CASK: variants seen among roughly 807,000 people sequenced by gnomAD.
CASK encodes the protein peripheral plasma membrane protein CASK.
A neutral mutation model predicts 82.9 loss-of-function variants in CASK; 4 were observed. The ratio of observed to expected loss-of-function variants is 0.05; its 90% CI spans 0.02 to 0.11. The LOEUF (loss-of-function observed/expected upper bound fraction) is 0.11. CASK is among the 10% of genes least tolerant of loss of function. The probability of loss-of-function intolerance (pLI) is 1.00; values close to 1 mark genes in which losing one functional copy is unlikely to be tolerated. For missense variants in CASK, 358 were observed against 720.9 expected, an observed-to-expected ratio of 0.50 and a Z score of 5.76; for synonymous variants, 259 against 253.5, an observed-to-expected ratio of 1.02 and a Z score of -0.20.
chrX:41,854,505 G>A (rs1417091702), intron 1 of CASK, among the ~76,000 whole-genome samples: 2 of 112,181 alleles, frequency 1.8e-5, no homozygotes, highest in East Asian at 2.8e-4. Context: ...ACCTTCATTC[G>A]CTTATTACAG....
chrX:41,649,874 G>A (rs189783210), intron 8 of CASK, among the ~76,000 whole-genome samples: 122 of 111,079 alleles, frequency 1.1e-3, no homozygotes, highest in African/African-American at 3.8e-3. Flanking sequence ...CATTATTATT[G>A]TGTGGGAGTC....
chrX:41,535,210 C>T (rs1350591662), intron 22 of CASK, among the ~76,000 whole-genome samples: 1 of 111,317 alleles, frequency 9.0e-6, no homozygotes, highest in South Asian at 3.8e-4. Context: ...AGATGCTGAA[C>T]ACATGCATTA....
chrX:41,553,901 T>C lies in CASK; in HGVS notation c.1857A>G (p.Ala619=). 8.4e-7 allele frequency: 1 copy of C among 1,197,488 alleles called. No homozygotes were observed. The highest frequency in any genetic ancestry group is 1.1e-6 in the Non-Finnish European group (1 of 882,766). The change falls in exon 21 of 27, where the codon GCA becomes GCG. Residue 619 remains alanine (A), a synonymous_variant. Transcript: ENST00000378163. The part of the protein sequence containing the change: ...QPKGRQIYVR[A]QFEYDPAKDD... The stretch of plus-strand genomic sequence containing the variant: ...CCTTGGCTGGATCATATTCAAATTG[T>C]GCTCTTACATAGATCTATAAAACAG...
chrX:41,589,435 CTT>C, intron 13 of CASK, 78 bp downstream of exon 13: 3 of 679,395 alleles, frequency 4.4e-6, no homozygotes, highest in Non-Finnish European at 4.7e-6. Flanking sequence ...GAAACTGCCT[CTT>C]AATGTGCAAC....
chrX:41,672,884 A>G (rs1000270923), intron 5 of CASK, among the ~76,000 whole-genome samples: 13 of 112,334 alleles, frequency 1.2e-4, no homozygotes, highest in African/African-American at 4.2e-4. Flanking sequence ...GCAAACCTCT[A>G]CCGAAATCAA....
chrX:41,845,637 G>A (rs948717010), intron 2 of CASK, among the ~76,000 whole-genome samples: 1 of 111,374 alleles, frequency 9.0e-6, no homozygotes, highest in African/African-American at 3.3e-5. Context: ...AAAACGACAT[G>A]AGATACCATC....
chrX:41,521,037 C>T (rs993141757), intron 26 of CASK, among the ~76,000 whole-genome samples: 1 of 112,307 alleles, frequency 8.9e-6, no homozygotes, highest in African/African-American at 3.2e-5. Context: ...GGCTGGAGCT[C>T]TTTGCCCCCG....
At chrX:41,827,176 TA>T (rs2070687008) in intron 2 of CASK, among the ~76,000 whole-genome samples, 1 of 111,779 alleles carries the variant, frequency 8.9e-6, no homozygotes, top group South Asian at 3.7e-4. Flanking sequence ...GCCCTCAAAC[TA>T]AATCTAAGTC....
At chrX:41,792,772 TAATAA>T (rs1475247198) in intron 2 of CASK, among the ~76,000 whole-genome samples, 1 of 111,921 alleles carries the variant, frequency 8.9e-6, no homozygotes, top group Non-Finnish European at 1.9e-5. Context: ...ATACTAAAAT[TAATAA>T]AATAAGTTAC....
intron 5 of CASK, among the ~76,000 whole-genome samples, chrX:41,714,864 G>A (rs1372958965): frequency 8.9e-6 from 1 of 111,903 alleles, no homozygotes; most frequent in Admixed American, 9.4e-5. Flanking sequence ...AAATGGAAAT[G>A]GTTTATACAG....
Position 41,529,378 on chromosome X carries a change from GAGC to G in CASK, c.2520+1626_2520+1628del, listed in dbSNP as rs775869218. ...AAGGGAGAGCTGGACGCTATGGGTG[GAGC>G]AGCAGCAGCAGCGGCAGCAGCAGCA... is the stretch of plus-strand genomic sequence containing the variant. On this transcript the variant is annotated intron_variant, in intron 25 of 26. Coordinates refer to ENST00000378163, the MANE Select transcript of CASK (RefSeq NM_001367721.1). Among the ~76,000 whole-genome samples the G allele has an allele frequency of 1.6e-4, 18 of 112,053 alleles. No homozygotes were observed. The South Asian group carries it at 3.0e-3, about 19-fold the overall frequency.
intron 3 of CASK, among the ~76,000 whole-genome samples, chrX:41,773,210 C>T (rs890347813): frequency 9.3e-6 from 1 of 107,557 alleles, no homozygotes; most frequent in Non-Finnish European, 1.9e-5. Flanking sequence ...ATGGCAAAAC[C>T]TCATCTCTAC....
chrX:41,563,999 C>T (rs921931446), intron 16 of CASK, among the ~76,000 whole-genome samples: 2 of 111,582 alleles, frequency 1.8e-5, no homozygotes, highest in African/African-American at 6.5e-5. Flanking sequence ...AAATTAACTA[C>T]GGGCCAGTCT....
chrX:41,755,325 A>G (rs1188005145), intron 3 of CASK, among the ~76,000 whole-genome samples: 1 of 112,252 alleles, frequency 8.9e-6, no homozygotes, highest in African/African-American at 3.2e-5. Context: ...CAACCTCACT[A>G]AAGAACATAG....
intron 24 of CASK, 121 bp downstream of exon 24, chrX:41,534,583 TGA>T: frequency 3.6e-6 from 2 of 552,044 alleles, no homozygotes; most frequent in Admixed American, 3.3e-5. Flanking sequence ...GTTCTTTTTT[TGA>T]TTTTACAAAT....
intron 1 of CASK, among the ~76,000 whole-genome samples, chrX:41,877,849 G>C (rs944053388): frequency 9.0e-6 from 1 of 110,909 alleles, no homozygotes. Context: ...TAGCACAAAG[G>C]TATAGACATA....
intron 1 of CASK, among the ~76,000 whole-genome samples, chrX:41,915,285 C>T (rs2072654187): frequency 8.9e-6 from 1 of 111,968 alleles, no homozygotes; most frequent in African/African-American, 3.3e-5. Flanking sequence ...GGCTTGCACT[C>T]AATCCAAAGC....
Position 41,646,579 on chromosome X carries a change from G to A in CASK, c.832-9918C>T, listed in dbSNP as rs1391064620. ...CCCAGAACTTTAAAAATTGGCTATT[G>A]CCATGTCTGGACTGCCAGTATAGGA... On this transcript the variant is annotated intron_variant, in intron 8 of 26. Coordinates refer to ENST00000378163, the MANE Select transcript of CASK (RefSeq NM_001367721.1). Among the ~76,000 whole-genome samples the A allele has an allele frequency of 2.7e-5, 3 of 111,233 alleles. No homozygotes were observed. The South Asian group carries it at 1.1e-3, about 42-fold the overall frequency.
chrX:41,845,631 C>T (rs11798897), intron 2 of CASK, among the ~76,000 whole-genome samples: 18,894 of 110,798 alleles, frequency 0.17, 1,441 homozygotes, highest in Middle Eastern at 0.31. Context: ...CAGCAAAAAA[C>T]GACATGAGAT....
Sources: allele counts gnomAD v4.1 joint callset (sites outside exome capture counted in the v4.1 genomes callset), GRCh38; gene constraint gnomAD v4.1.1; transcripts MANE v1.5; gene names NCBI Gene and HGNC (gene_info 2026-07-23, HGNC 2026-07-21).